Variants in SERINC5 observed in about 807,000 individuals in gnomAD.
SERINC5 encodes chromosome 5 open reading frame 12.
In SERINC5, 41 loss-of-function variants were observed where a neutral mutation model predicts 63.1. The ratio of observed to expected loss-of-function variants is 0.65; its 90% CI spans 0.51 to 0.84. The LOEUF is 0.84. Ranked by LOEUF, SERINC5 falls within the 40% of genes least tolerant of loss-of-function variation. SERINC5 has a pLI of 0.00. For synonymous variants in SERINC5, 222 were observed against 215.2 expected (o/e 1.03, Z -0.28); for missense variants, 523 against 573.0 (o/e 0.91, Z 0.89).
intron 1 of SERINC5, among the ~76,000 whole-genome samples, chr5:80,213,267 A>C (rs551288589): frequency 6.6e-6 from 1 of 152,006 alleles, no homozygotes; most frequent in African/African-American, 2.4e-5. Flanking sequence ...AAAGAAAGCT[A>C]AAGCTTACTG....
At chr5:80,187,536 C>T (rs1748889167) in intron 2 of SERINC5, among the ~76,000 whole-genome samples, 1 of 152,164 alleles carries the variant, frequency 6.6e-6, no homozygotes, top group African/African-American at 2.4e-5. Flanking sequence ...TCCCTCTTTC[C>T]TTACACAGCC....
chr5:80,211,594 T>A (rs565991653), intron 1 of SERINC5, among the ~76,000 whole-genome samples: 2 of 152,366 alleles, frequency 1.3e-5, no homozygotes, highest in East Asian at 3.9e-4. Context: ...AACTGCGGGC[T>A]GAAACTCTGC....
At chr5:80,136,426 CACA>C (rs1293936216), downstream of SERINC5, among the ~76,000 whole-genome samples, 1 of 152,132 alleles carries the variant, frequency 6.6e-6, no homozygotes, top group Non-Finnish European at 1.5e-5. Flanking sequence ...CAACAATTAG[CACA>C]ACAATGGGAG....
chr5:80,220,916 G>A (rs563388285), intron 1 of SERINC5, among the ~76,000 whole-genome samples: 3 of 152,262 alleles, frequency 2.0e-5, no homozygotes, highest in East Asian at 3.9e-4. Context: ...TGAGACAGCA[G>A]GGAAGAAATG....
chr5:80,149,597 G>A (rs1746042658), intron 9 of SERINC5, among the ~76,000 whole-genome samples: 1 of 152,338 alleles, frequency 6.6e-6, no homozygotes, highest in African/African-American at 2.4e-5. Context: ...CAGCTCCTGG[G>A]CAGCAGTGGT....
intron 9 of SERINC5, among the ~76,000 whole-genome samples, chr5:80,150,033 A>C (rs1302066179): frequency 6.6e-6 from 1 of 152,232 alleles, no homozygotes; most frequent in East Asian, 1.9e-4. Context: ...TATTGTCCAT[A>C]ACACTCTACC....
In SERINC5 at chr5:80,143,756, C is replaced by T; in HGVS notation, c.1293G>A (p.Trp431Ter). 9 of 1,536,094 alleles carry T rather than the reference C, an allele frequency of 5.9e-6. No homozygotes were observed. Among genetic ancestry groups the T allele is most frequent in the Non-Finnish European group, 7.8e-6 (9 of 1,146,858 alleles). The change falls in exon 12 of 12, where the codon TGG becomes TGA. Residue 431 changes from tryptophan (W) to a stop codon, truncating the protein, a stop_gained. Coordinates refer to ENST00000507668, the MANE Select transcript of SERINC5 (RefSeq NM_001174072.3). LOFTEE classifies it high-confidence loss of function. ...ATATCCAGCAGGAGGCCATCTTGAC[C>T]CAGAAGATGGACCAGCTCCCGCTGA... is the stretch of plus-strand genomic sequence containing the variant. ...SFFSGSWSIF[W>*]VKMASCWICV...
At chr5:80,154,202 G>A (rs1580073946) in intron 8 of SERINC5, among the ~76,000 whole-genome samples, 1 of 151,840 alleles carries the variant, frequency 6.6e-6, no homozygotes, top group African/African-American at 2.4e-5. Context: ...TTCTGGAGAT[G>A]GAGTTTCACT....
At chr5:80,179,998 T>C (rs1748315663) in intron 2 of SERINC5, among the ~76,000 whole-genome samples, 1 of 152,230 alleles carries the variant, frequency 6.6e-6, no homozygotes, top group Admixed American at 6.5e-5. Context: ...AGATTCAGCA[T>C]CTTTTCTCAA....
intron 2 of SERINC5, among the ~76,000 whole-genome samples, chr5:80,182,311 A>G (rs541361928): frequency 1.0e-3 from 154 of 152,324 alleles, no homozygotes; most frequent in Non-Finnish European, 2.1e-3. Context: ...GCGTATTTCA[A>G]GCTCGTTATT....
rs960696280 is a variant in SERINC5 at position 80,139,409 on chromosome 5, C to G, written c.*4254G>C. ...CTTAAAGAGTTCTTCCATCATTTTACTCATGTGAATATGATTAAACTCCTA... is the reference window on the plus strand; with the variant it reads ...CTTAAAGAGTTCTTCCATCATTTTAGTCATGTGAATATGATTAAACTCCTA... On this transcript the variant is annotated 3_prime_UTR_variant, in exon 12 of 12. Transcript: ENST00000507668. 6.1e-6 allele frequency: 6 copies of G among 984,380 alleles called. No individual in the cohort carries two copies. In the Admixed American group the frequency reaches 2.5e-4, roughly 40 times the overall value. 61.0% of individuals were successfully genotyped at this position (984,380 alleles called of 1,614,324 possible). A position where few individuals can be genotyped will look rare whatever the true frequency, so the allele number is the denominator to read the frequency against.
intron 7 of SERINC5, among the ~76,000 whole-genome samples, chr5:80,162,605 C>CTCAAGCCATCCTCCCACCTTGGCCTCCCA (rs1561382598): frequency 6.6e-6 from 1 of 152,200 alleles, no homozygotes; most frequent in Non-Finnish European, 1.5e-5. Context: ...AATTCCTGGC[C>CTCAAGCCATCCTCCCACCTTGGCCTCCCA]TCAAGCCATC....
intron 2 of SERINC5, chr5:80,198,695 G>A (rs941877897): frequency 1.1e-5 from 11 of 985,204 alleles, no homozygotes; most frequent in East Asian, 1.1e-4. Flanking sequence ...ACACCCGCCC[G>A]CAAGCACCCC....
downstream of SERINC5, among the ~76,000 whole-genome samples, chr5:80,137,011 C>T (rs1210113509): frequency 6.6e-6 from 1 of 151,882 alleles, no homozygotes; most frequent in Non-Finnish European, 1.5e-5. Flanking sequence ...GTGACATGCG[C>T]CTGTAACCCC....
chr5:80,217,285 AC>A (rs1257500863), intron 1 of SERINC5, among the ~76,000 whole-genome samples: 1 of 152,220 alleles, frequency 6.6e-6, no homozygotes, highest in Non-Finnish European at 1.5e-5. Context: ...CCAGTGAAAC[AC>A]TAAACCCAAA....
chr5:80,236,465 A>C (rs1317440858), intron 1 of SERINC5, among the ~76,000 whole-genome samples: 1 of 152,114 alleles, frequency 6.6e-6, no homozygotes, highest in African/African-American at 2.4e-5. Context: ...ATTAATTCTC[A>C]GTAGAAAGCA....
intron 1 of SERINC5, among the ~76,000 whole-genome samples, chr5:80,207,324 A>G (rs1041257758): frequency 1.3e-5 from 2 of 152,210 alleles, no homozygotes; most frequent in Non-Finnish European, 2.9e-5. Context: ...TCAAGTTCAA[A>G]TGTGATCAAC....
At chr5:80,162,914 T>C (rs553424182) in intron 7 of SERINC5, among the ~76,000 whole-genome samples, 52 of 151,962 alleles carry the variant, frequency 3.4e-4, no homozygotes, top group South Asian at 2.5e-3. Flanking sequence ...TAGTGCGATC[T>C]TGGCTAGTGA....
At position 80,140,849 on chromosome 5, in the gene SERINC5, A is replaced by C; in HGVS notation, c.*2814T>G. On this transcript the variant is annotated 3_prime_UTR_variant, in exon 12 of 12. Coordinates refer to ENST00000507668, the MANE Select transcript of SERINC5 (RefSeq NM_001174072.3). ...TTTAAAAAAGTCCTCTTCAACTGTC[A>C]TCCCTAAATGTGTCTGACCAGCAGC... The C allele has an allele frequency of 1.0e-6, 1 of 985,424 alleles. No individual in the cohort carries two copies. Among genetic ancestry groups the C allele is most frequent in the Non-Finnish European group, 1.2e-6 (1 of 829,938 alleles). 61.0% of individuals were successfully genotyped at this position (985,424 alleles called of 1,614,324 possible).
Sources: allele counts gnomAD v4.1 joint callset (sites outside exome capture counted in the v4.1 genomes callset), GRCh38; gene constraint gnomAD v4.1.1; transcripts MANE v1.5; gene names NCBI Gene and HGNC (gene_info 2026-07-23, HGNC 2026-07-21).